Variants in RNASEH2B observed in about 807,000 individuals in gnomAD.
The protein encoded by RNASEH2B is ribonuclease H2 subunit B, also known as Aicardi-Goutieres syndrome 2 protein.
A neutral mutation model predicts 45.0 loss-of-function variants in RNASEH2B; 36 were observed. That is an observed-to-expected ratio of 0.80 (90% CI 0.61 to 1.06). RNASEH2B has a LOEUF of 1.06. Ranked by LOEUF, RNASEH2B falls within the 50% of genes least tolerant of loss-of-function variation. The pLI is 0.00. For missense variants in RNASEH2B, 361 were observed against 360.3 expected (o/e 1.00, Z -0.02); for synonymous variants, 119 against 125.7 (o/e 0.95, Z 0.35).
intron 9 of RNASEH2B, chr13:50,953,091 A>G (rs1377470381): frequency 2.0e-5 from 3 of 152,288 alleles, no homozygotes; most frequent in Middle Eastern, 3.4e-3. Context: ...AAATTATAAA[A>G]ATCTGGGTTG....
At chr13:50,957,088 C>T (rs532219843), downstream of RNASEH2B, among the ~76,000 whole-genome samples, 1 of 150,728 alleles carries the variant, frequency 6.6e-6, no homozygotes, top group Non-Finnish European at 1.5e-5. Context: ...TACTTTGTAA[C>T]CTTTTTTTTT....
chr13:50,969,833 G>C (rs1952203312), intron 9 of RNASEH2B: 5 of 1,214,484 alleles, frequency 4.1e-6, no homozygotes, highest in Non-Finnish European at 5.9e-6. Context: ...AAACCCGCCA[G>C]CCCTGCGTTC....
intron 7 of RNASEH2B, 50 bp from the exon 8 acceptor site, chr13:50,947,937 T>C (rs1436913423): frequency 6.2e-7 from 1 of 1,601,350 alleles, no homozygotes; most frequent in East Asian, 2.2e-5. Flanking sequence ...AAAACCACCA[T>C]AATTACTATT....
At chr13:50,947,415 GTGTGTGTGTA>G (rs1488980863) in intron 7 of RNASEH2B, among the ~76,000 whole-genome samples, 1 of 149,634 alleles carries the variant, frequency 6.7e-6, no homozygotes, top group Non-Finnish European at 1.5e-5. Context: ...GTGTGTGTGT[GTGTGTGTGTA>G]TGTAGAACTA....
intron 1 of RNASEH2B, chr13:50,913,214 T>G (rs148616226): frequency 4.4e-4 from 67 of 152,352 alleles, no homozygotes; most frequent in African/African-American, 1.5e-3. Context: ...CAGTTTTAAT[T>G]TCTATAAGAG....
At chr13:50,965,356 T>A (rs2138042283) in intron 9 of RNASEH2B, among the ~76,000 whole-genome samples, 1 of 152,346 alleles carries the variant, frequency 6.6e-6, no homozygotes, top group Non-Finnish European at 1.5e-5. Context: ...AAGTACACTC[T>A]GTGATGTTCA....
intron 2 of RNASEH2B, 65 bp from the exon 3 acceptor site, chr13:50,929,410 G>T: frequency 1.1e-6 from 1 of 948,824 alleles, no homozygotes; most frequent in East Asian, 2.5e-5. Flanking sequence ...TAGTCTTTTG[G>T]GGTGTGTGTG....
chr13:50,935,003 T>C lies in RNASEH2B; in HGVS notation c.436+4T>C, dbSNP rs1406109165. The C allele has an allele frequency of 3.8e-6, 6 of 1,588,060 alleles. No individual in the cohort carries two copies. The highest frequency in any genetic ancestry group is 1.1e-5 in the South Asian group (1 of 90,484). On this transcript the variant is annotated splice_donor_region_variant and intron_variant, in intron 5 of 10. Coordinates refer to ENST00000336617, the MANE Select transcript of RNASEH2B (RefSeq NM_024570.4). ...CATCATGTGACAGAGGAAAAAGGTA[T>C]GGTATAACTTAAAGGCTTATGGCTG...
chr13:50,939,344 G>A (rs1482520415), intron 5 of RNASEH2B, among the ~76,000 whole-genome samples: 4 of 91,174 alleles, frequency 4.4e-5, no homozygotes, highest in South Asian at 2.7e-4. Context: ...GTGACAGAGC[G>A]AGACTCTGTT....
chr13:50,917,494 C>T (rs368046358), intron 1 of RNASEH2B, among the ~76,000 whole-genome samples: 5 of 152,208 alleles, frequency 3.3e-5, no homozygotes, highest in African/African-American at 9.7e-5. Context: ...GGAAGCCCAG[C>T]TTCTAGGCCT....
At chr13:50,947,521 G>A (rs1295196173) in intron 7 of RNASEH2B, among the ~76,000 whole-genome samples, 3 of 151,462 alleles carry the variant, frequency 2.0e-5, no homozygotes, top group African/African-American at 4.9e-5. Context: ...TAGAGACATG[G>A]TATTTTATTT....
At chr13:50,919,785 C>T (rs1311476164) in intron 1 of RNASEH2B, among the ~76,000 whole-genome samples, 1 of 152,162 alleles carries the variant, frequency 6.6e-6, no homozygotes, top group African/African-American at 2.4e-5. Flanking sequence ...GACCTTCAGG[C>T]AGGTTTTTCA....
At chr13:50,925,472 C>T (rs1261437969) in intron 1 of RNASEH2B, among the ~76,000 whole-genome samples, 5 of 152,110 alleles carry the variant, frequency 3.3e-5, no homozygotes, top group African/African-American at 1.2e-4. Context: ...GAACTTCATT[C>T]TTGGACACAG....
At chr13:50,938,579 A>G (rs564175241) in intron 5 of RNASEH2B, 1 of 152,310 alleles carries the variant, frequency 6.6e-6, no homozygotes, top group African/African-American at 2.4e-5. Context: ...CTTTGGGGTG[A>G]AACTGTTCCA....
At chr13:50,917,521 A>G (rs1417453355) in intron 1 of RNASEH2B, among the ~76,000 whole-genome samples, 1 of 152,200 alleles carries the variant, frequency 6.6e-6, no homozygotes, top group East Asian at 1.9e-4. Context: ...TCTAGCTGTT[A>G]TAACTTTGCA....
At chr13:50,960,272 T>G (rs563453530), downstream of RNASEH2B, 3 of 400,346 alleles carry the variant, frequency 7.5e-6, no homozygotes, top group Non-Finnish European at 1.3e-5. Flanking sequence ...TTTTAGTACA[T>G]AATATAGTAT....
At chr13:50,970,440 A>C (rs1005114877) in exon 10 of RNASEH2B, 1 of 212,854 alleles carries the variant, frequency 4.7e-6, no homozygotes, top group Non-Finnish European at 9.1e-6. Context: ...GGAGTTATTA[A>C]ACATTTCTTC....
intron 7 of RNASEH2B, among the ~76,000 whole-genome samples, chr13:50,947,598 A>C (rs955213899): frequency 4.6e-5 from 7 of 152,144 alleles, no homozygotes; most frequent in Non-Finnish European, 8.8e-5. Context: ...CAGGCTTAGA[A>C]AAGATTACCC....
chr13:50,939,954 T>C (rs1023808322), intron 5 of RNASEH2B, among the ~76,000 whole-genome samples: 2 of 152,144 alleles, frequency 1.3e-5, no homozygotes, highest in Non-Finnish European at 2.9e-5. Context: ...AAAATGCCAT[T>C]AAGAAAAAAG....
Sources: gnomAD v4.1 joint callset for allele counts (sites outside exome capture counted in the v4.1 genomes callset) on GRCh38, gnomAD v4.1.1 for gene constraint, MANE v1.5 for transcripts, NCBI Gene and HGNC (gene_info 2026-07-23, HGNC 2026-07-21) for gene names.